CDKN2B-AS1: variants seen among roughly 807,000 people sequenced by gnomAD.
The protein encoded by CDKN2B-AS1 is CDKN2B antisense RNA 1 (non-protein coding).
chr9:22,006,365 T>C lies in CDKN2B-AS1; in HGVS notation n.29+11204T>C, dbSNP rs1360612609. The C allele has an allele frequency of 7.3e-7, 1 of 1,378,334 alleles. No individual in the cohort carries two copies. The highest frequency in any genetic ancestry group is 1.4e-5 in the African/African-American group (1 of 70,044). 85.4% of individuals were successfully genotyped at this position (1,378,334 alleles called of 1,614,324 possible). A position where few individuals can be genotyped will look rare whatever the true frequency, so the allele number is the denominator to read the frequency against. ...ACCTAATTGCAAAGTTTTCACCCAG[T>C]GCAGAGGTGTTCAGGTCTCTGATGT... On this transcript the variant is annotated intron_variant and non_coding_transcript_variant, in intron 1 of 4. Transcript: ENST00000650946. This position sits in a 1 kb window ranked among gnomAD's most constrained non-coding sequence, Gnocchi z 6.4.
chr9:22,073,150 G>A (rs747026517), intron 4 of CDKN2B-AS1, among the ~76,000 whole-genome samples: 6 of 151,800 alleles, frequency 4.0e-5, no homozygotes, highest in Admixed American at 1.3e-4. Flanking sequence ...TTTTATAAAG[G>A]GACCTAGGAA....
At chr9:22,043,991 A>G (rs1298959331) in intron 1 of CDKN2B-AS1, among the ~76,000 whole-genome samples, 2 of 151,948 alleles carry the variant, frequency 1.3e-5, no homozygotes, top group Admixed American at 6.6e-5. Flanking sequence ...AATAAGAGCT[A>G]TTATTTATTG....
At chr9:22,010,944 G>C (rs1301160101) in intron 1 of CDKN2B-AS1, among the ~76,000 whole-genome samples, 1 of 152,190 alleles carries the variant, frequency 6.6e-6, no homozygotes, top group South Asian at 2.1e-4. Flanking sequence ...TTTTCTTTGA[G>C]GGGGACATAA....
intron 4 of CDKN2B-AS1, among the ~76,000 whole-genome samples, chr9:22,082,343 A>G (rs969264216): frequency 2.0e-5 from 3 of 152,224 alleles, no homozygotes; most frequent in African/African-American, 7.2e-5. Context: ...TGTACAAGGC[A>G]TAAAGTGTGC....
At position 22,039,618 on chromosome 9, in the gene CDKN2B-AS1, G is replaced by A. The variant is rs1041368275; in HGVS notation, n.30-7133G>A. On this transcript the variant is annotated intron_variant and non_coding_transcript_variant, in intron 1 of 4. Coordinates refer to ENST00000650946, the Ensembl canonical transcript of CDKN2B-AS1. The surrounding 1 kb of genome is among the most constrained non-coding windows in gnomAD (Gnocchi z 4.4). Reference sequence around the variant, plus strand: ...CAAAGTAGAATGGCAGCTTATAGTAGTTATTTGGATAATTTATATAGTCTC... The same window carrying A: ...CAAAGTAGAATGGCAGCTTATAGTAATTATTTGGATAATTTATATAGTCTC... Among the ~76,000 whole-genome samples the A allele has an allele frequency of 6.6e-6, 1 of 151,914 alleles. No individual in the cohort carries two copies. Among genetic ancestry groups the A allele is most frequent in the Non-Finnish European group, 1.5e-5 (1 of 67,952 alleles).
chr9:22,045,653 G>T (rs534052477), intron 1 of CDKN2B-AS1, among the ~76,000 whole-genome samples: 1 of 151,984 alleles, frequency 6.6e-6, no homozygotes, highest in Non-Finnish European at 1.5e-5. Flanking sequence ...GAATGCATAG[G>T]CTGCTCATGC....
chr9:22,049,402 A>T (rs1360065475), intron 3 of CDKN2B-AS1, among the ~76,000 whole-genome samples: 1 of 152,184 alleles, frequency 6.6e-6, no homozygotes, highest in East Asian at 1.9e-4. Context: ...TTTATCAAAG[A>T]AATGCAGCCC....
At chr9:22,015,692 G>T (rs966267342) in intron 1 of CDKN2B-AS1, among the ~76,000 whole-genome samples, 3 of 151,918 alleles carry the variant, frequency 2.0e-5, no homozygotes, top group African/African-American at 7.3e-5. Context: ...CAATGTGCAG[G>T]TTAGTTACAT....
chr9:22,086,918 GC>G (rs1824885106), intron 4 of CDKN2B-AS1, among the ~76,000 whole-genome samples: 1 of 152,070 alleles, frequency 6.6e-6, no homozygotes, highest in Non-Finnish European at 1.5e-5. Flanking sequence ...GCCTCTCTGT[GC>G]CCCTCCAGAA....
chr9:22,004,180 T>C (rs1380521597), intron 1 of CDKN2B-AS1: 5 of 232,448 alleles, frequency 2.2e-5, no homozygotes, highest in East Asian at 1.2e-4. Context: ...CCCAATAACA[T>C]ATGCTCTGAT....
Position 22,095,882 on chromosome 9 carries a change from T to C in CDKN2B-AS1, n.439-31221T>C, listed in dbSNP as rs111288823. ...CTTTTGATTTTGTTGGTTTAAAGTCTGTTTTATCAGAGACTAGGATTGCAA... is the reference window on the plus strand; with the variant it reads ...CTTTTGATTTTGTTGGTTTAAAGTCCGTTTTATCAGAGACTAGGATTGCAA... On this transcript the variant is annotated intron_variant and non_coding_transcript_variant, in intron 4 of 4. Coordinates refer to ENST00000650946, the Ensembl canonical transcript of CDKN2B-AS1. Among the ~76,000 whole-genome samples the C allele has an allele frequency of 2.3e-3, 348 of 151,642 alleles. 3 individuals carry two copies. The highest frequency in any genetic ancestry group is 8.3e-3 in the African/African-American group (342 of 41,184).
intron 2 of CDKN2B-AS1, chr9:22,049,015 T>C (rs1823224554): frequency 6.6e-6 from 1 of 152,208 alleles, no homozygotes; most frequent in African/African-American, 2.4e-5. Context: ...AGTATCAATC[T>C]TAATTCTAAA....
At chr9:22,012,837 T>G (rs1821571678) in intron 1 of CDKN2B-AS1, among the ~76,000 whole-genome samples, 2 of 152,148 alleles carry the variant, frequency 1.3e-5, no homozygotes, top group African/African-American at 4.8e-5. Flanking sequence ...TTTTATGAGT[T>G]GGGTTTATTG....
chr9:22,110,972 A>G (rs1010968076), intron 4 of CDKN2B-AS1, among the ~76,000 whole-genome samples: 2 of 152,144 alleles, frequency 1.3e-5, no homozygotes, highest in African/African-American at 4.8e-5. Flanking sequence ...TGAACATTTT[A>G]TTTTGAGATT....
At chr9:22,063,935 T>C (rs1162722536) in intron 4 of CDKN2B-AS1, 2 of 152,176 alleles carry the variant, frequency 1.3e-5, no homozygotes, top group Non-Finnish European at 2.9e-5. Flanking sequence ...TTTTTTATTA[T>C]TCCCATAGGT....
At chr9:22,098,360 C>G (rs1454673569) in intron 4 of CDKN2B-AS1, among the ~76,000 whole-genome samples, 1 of 149,720 alleles carries the variant, frequency 6.7e-6, no homozygotes, top group Middle Eastern at 3.2e-3. Flanking sequence ...AAAGAAAACA[C>G]AGGAATATCT....
chr9:22,054,526 T>G (rs1269122017), intron 3 of CDKN2B-AS1, among the ~76,000 whole-genome samples: 2 of 152,032 alleles, frequency 1.3e-5, no homozygotes, highest in African/African-American at 4.8e-5. Flanking sequence ...ATTTAAGAGA[T>G]TTATTCTTAT....
chr9:22,009,119 C>A (rs1373907884), intron 1 of CDKN2B-AS1: 1 of 982,888 alleles, frequency 1.0e-6, no homozygotes, highest in South Asian at 1.5e-5. Context: ...CTTGGGGCCC[C>A]GTGCAGTGGC....
intron 4 of CDKN2B-AS1, among the ~76,000 whole-genome samples, chr9:22,073,192 A>G (rs1416337685): frequency 6.6e-6 from 1 of 152,232 alleles, no homozygotes; most frequent in African/African-American, 2.4e-5. Context: ...CAGGCTAAAG[A>G]GTAAAAAGGA....
Sources: gnomAD v4.1 joint callset for allele counts (sites outside exome capture counted in the v4.1 genomes callset) on GRCh38, gnomAD v4.1.1 for gene constraint, Gnocchi (gnomAD v3.1) non-coding constraint, MANE v1.5 for transcripts, NCBI Gene and HGNC (gene_info 2026-07-23, HGNC 2026-07-21) for gene names.